SLC25A27: variants seen among roughly 807,000 people sequenced by gnomAD.
SLC25A27 encodes solute carrier family 25 member 27.
A neutral mutation model predicts 49.1 loss-of-function variants in SLC25A27; 35 were observed. The ratio of observed to expected loss-of-function variants is 0.71; its 90% CI spans 0.54 to 0.95. The LOEUF (loss-of-function observed/expected upper bound fraction) is 0.95. SLC25A27 is among the 40% of genes least tolerant of loss of function. SLC25A27 has a pLI of 0.00. For synonymous variants in SLC25A27, 144 were observed against 136.9 expected (o/e 1.05, Z -0.36); for missense variants, 339 against 397.1 (o/e 0.85, Z 1.24).
At chr6:46,662,355 A>G (rs547115452) in intron 3 of SLC25A27, 21 bp from the exon 4 acceptor site, 1 of 1,611,178 alleles carries the variant, frequency 6.2e-7, no homozygotes, top group South Asian at 1.1e-5. Context: ...AACTTTAAAA[A>G]GAATTTCCTT....
rs912976413 is a variant in SLC25A27, at chr6:46,677,106, GCCCTCT to G, written c.*654_*659del. 3.6e-5 allele frequency: 7 copies of G among 192,060 alleles called. No individual in the cohort carries two copies. The highest frequency in any genetic ancestry group is 1.7e-4 in the African/African-American group (7 of 42,218). The allele number at this position is 192,060 out of a possible 1,614,324, so 11.9% of individuals were successfully genotyped here. On this transcript the variant is annotated 3_prime_UTR_variant, in exon 9 of 9. Coordinates refer to ENST00000371347, the MANE Select transcript of SLC25A27 (RefSeq NM_004277.5). ...AGAAAAGAGGCTGCTTTCTGTCAGT[GCCCTCT>G]CATTAGATCTGTGTTAATTAGTTAG...
At chr6:46,671,752 T>A (rs1285053279) in intron 8 of SLC25A27, among the ~76,000 whole-genome samples, 2 of 151,984 alleles carry the variant, frequency 1.3e-5, no homozygotes, top group African/African-American at 4.8e-5. Flanking sequence ...TAGAATTAGA[T>A]AGACTTGTTT....
Position 46,656,025 on chromosome 6 carries a change from A to G in SLC25A27, c.289A>G (p.Arg97Gly). 1 of 1,610,572 alleles carries G rather than the reference A, an allele frequency of 6.2e-7. No homozygotes were observed. Among genetic ancestry groups the G allele is most frequent in the Non-Finnish European group, 8.5e-7 (1 of 1,178,754 alleles). ...GCAAGGAGTGACACCCGCCATTTAC[A>G]GACACGTAGGTATTTATCTTGATTC... Reference protein sequence around the residue: ...LWQGVTPAIYRHVVYSGGRMV... With the variant: ...LWQGVTPAIYGHVVYSGGRMV... The change falls in exon 2 of 9, where the codon AGA becomes GGA. Residue 97 changes from arginine (R) to glycine (G), a missense_variant. By Grantham distance (125) the Arg-to-Gly change is moderately radical (BLOSUM62 -2). Coordinates refer to ENST00000371347, the MANE Select transcript of SLC25A27 (RefSeq NM_004277.5).
In SLC25A27 at chr6:46,653,108, G is replaced by A; in HGVS notation, c.-85G>A. The A allele has an allele frequency of 7.5e-7, 1 of 1,330,618 alleles. No individual in the cohort carries two copies. The highest frequency in any genetic ancestry group is 1.1e-6 in the Non-Finnish European group (1 of 944,008). The allele number at this position is 1,330,618 out of a possible 1,614,324, so 82.4% of individuals were successfully genotyped here. On this transcript the variant is annotated 5_prime_UTR_variant, in exon 1 of 9. Coordinates refer to ENST00000371347, the MANE Select transcript of SLC25A27 (RefSeq NM_004277.5). ...CCGGCCACTCGCCGGTTGAAAAGGGGCCGCCCTGGCAGGGAAGCGGCCGCC... is the reference window on the plus strand; with the variant it reads ...CCGGCCACTCGCCGGTTGAAAAGGGACCGCCCTGGCAGGGAAGCGGCCGCC...
Position 46,676,986 on chromosome 6 carries a change from A to G in SLC25A27, c.*532A>G. Reference sequence around the variant, plus strand: ...AAGGGAGGTGAATGGAAATTAATGAATAAACATTTTGAGTTTCCCTAGTGT... The same window carrying G: ...AAGGGAGGTGAATGGAAATTAATGAGTAAACATTTTGAGTTTCCCTAGTGT... On this transcript the variant is annotated 3_prime_UTR_variant, in exon 9 of 9. Transcript: ENST00000371347. 3.1e-6 allele frequency: 1 copy of G among 319,806 alleles called. No homozygotes were observed. The highest frequency in any genetic ancestry group is 5.7e-6 in the Non-Finnish European group (1 of 175,578). 19.8% of individuals were successfully genotyped at this position (319,806 alleles called of 1,614,324 possible).
chr6:46,670,286 A>C, intron 7 of SLC25A27, 59 bp downstream of exon 7: 1 of 1,071,294 alleles, frequency 9.3e-7, no homozygotes, highest in Non-Finnish European at 1.4e-6. Context: ...TTTGTGTTTT[A>C]AAGATGCATC....
intron 1 of SLC25A27, chr6:46,653,548 C>T: frequency 1.0e-6 from 1 of 985,444 alleles, no homozygotes. Context: ...GAATGTTGTA[C>T]TTTAAGAAGC....
intron 6 of SLC25A27, 58 bp downstream of exon 6, chr6:46,668,851 A>G: frequency 1.0e-6 from 1 of 982,340 alleles, no homozygotes; most frequent in East Asian, 2.4e-5. Context: ...TTTCTTCCAT[A>G]TTTGACATAA....
At position 46,653,135 on chromosome 6, in the gene SLC25A27, C is replaced by T; in HGVS notation, c.-58C>T. 6.6e-7 allele frequency: 1 copy of T among 1,523,944 alleles called. No individual in the cohort carries two copies. Among genetic ancestry groups the T allele is most frequent in the Non-Finnish European group, 9.0e-7 (1 of 1,108,850 alleles). 94.4% of individuals were successfully genotyped at this position (1,523,944 alleles called of 1,614,324 possible). ...CGCCCTGGCAGGGAAGCGGCCGCCG[C>T]GGCGCGGTGCAGCGCAGCGGCGAGA... On this transcript the variant is annotated 5_prime_UTR_variant, in exon 1 of 9. Coordinates refer to ENST00000371347, the MANE Select transcript of SLC25A27 (RefSeq NM_004277.5).
At position 46,670,347 on chromosome 6, in the gene SLC25A27, G is replaced by T. The variant is rs1247633924; in HGVS notation, c.797+120G>T. The T allele has an allele frequency of 5.7e-6, 4 of 707,316 alleles. No homozygotes were observed. In the African/African-American group the frequency reaches 7.5e-5, roughly 13 times the overall value. 43.8% of individuals were successfully genotyped at this position (707,316 alleles called of 1,614,324 possible). Reference sequence around the variant, plus strand: ...TATTTGTGTGTTTTTTGAGAAAATTGAGCGCATTTTTTTTATGCAATTACC... The same window carrying T: ...TATTTGTGTGTTTTTTGAGAAAATTTAGCGCATTTTTTTTATGCAATTACC... On this transcript the variant is annotated intron_variant, in intron 7 of 8. Coordinates refer to ENST00000371347, the MANE Select transcript of SLC25A27 (RefSeq NM_004277.5).
At chr6:46,662,287 A>T in intron 3 of SLC25A27, 89 bp from the exon 4 acceptor site, 1 of 1,134,784 alleles carries the variant, frequency 8.8e-7, no homozygotes, top group South Asian at 1.4e-5. Context: ...GAAATCTCTT[A>T]CCTAGGCCCT....
At chr6:46,656,561 G>A (rs768894295) in intron 2 of SLC25A27, among the ~76,000 whole-genome samples, 1 of 152,032 alleles carries the variant, frequency 6.6e-6, no homozygotes. Flanking sequence ...GATCAGACTA[G>A]TCTCAAACTC....
intron 8 of SLC25A27, among the ~76,000 whole-genome samples, chr6:46,673,438 A>G (rs1217677582): frequency 6.6e-6 from 1 of 152,194 alleles, no homozygotes; most frequent in Non-Finnish European, 1.5e-5. Flanking sequence ...TTGCTTTACC[A>G]GTGGTATGAA....
At chr6:46,671,864 CG>C (rs1054518803) in intron 8 of SLC25A27, among the ~76,000 whole-genome samples, 1 of 151,688 alleles carries the variant, frequency 6.6e-6, no homozygotes. Context: ...AAAGTGCTGA[CG>C]TTTTTTGTAA....
At position 46,653,066 on chromosome 6, in the gene SLC25A27, A is replaced by G. The variant is rs1762807728; in HGVS notation, c.-127A>G. Reference sequence around the variant, plus strand: ...CGGGTCCACCCGGCCGAGCCGAACGAGGGAAATGGTCCTCACCCGGCCACT... The same window carrying G: ...CGGGTCCACCCGGCCGAGCCGAACGGGGGAAATGGTCCTCACCCGGCCACT... On this transcript the variant is annotated 5_prime_UTR_variant, in exon 1 of 9. Transcript: ENST00000371347. 1 of 860,430 alleles carries G rather than the reference A, an allele frequency of 1.2e-6. No homozygotes were observed. The highest frequency in any genetic ancestry group is 1.7e-5 in the African/African-American group (1 of 59,244). The allele number at this position is 860,430 out of a possible 1,614,324, so 53.3% of individuals were successfully genotyped here.
intron 8 of SLC25A27, 116 bp downstream of exon 8, chr6:46,671,344 G>T (rs1763531461): frequency 3.9e-6 from 2 of 516,592 alleles, no homozygotes; most frequent in Non-Finnish European, 3.4e-6. Flanking sequence ...CCCAAATCAA[G>T]GTCCTTTCTT....
At chr6:46,661,675 G>A (rs1031456026) in intron 3 of SLC25A27, among the ~76,000 whole-genome samples, 4 of 152,214 alleles carry the variant, frequency 2.6e-5, no homozygotes, top group Non-Finnish European at 4.4e-5. Context: ...CTGATTAGTT[G>A]TGTGATTTGA....
At position 46,677,709 on chromosome 6, in the gene SLC25A27, C is replaced by CTG. The variant is rs1763845831; in HGVS notation, c.*1257_*1258dup. The CTG allele has an allele frequency of 6.6e-6, 1 of 152,462 alleles. No individual in the cohort carries two copies. The highest frequency in any genetic ancestry group is 2.4e-5 in the African/African-American group (1 of 41,412). 9.4% of individuals were successfully genotyped at this position (152,462 alleles called of 1,614,324 possible). On this transcript the variant is annotated 3_prime_UTR_variant, in exon 9 of 9. Transcript: ENST00000371347. ...GGATGGCTGCGGTTATGGATAAAGGCTGTAACTGTTAACACAGAAAAACAT... is the reference window on the plus strand; with the variant it reads ...GGATGGCTGCGGTTATGGATAAAGGCTGTGTAACTGTTAACACAGAAAAACAT...
At chr6:46,673,171 G>T (rs539458574) in intron 8 of SLC25A27, among the ~76,000 whole-genome samples, 1 of 152,144 alleles carries the variant, frequency 6.6e-6, no homozygotes, top group African/African-American at 2.4e-5. Context: ...TAAAATTACA[G>T]AAATAATAAA....
Sources: gnomAD v4.1 joint callset for allele counts (sites outside exome capture counted in the v4.1 genomes callset) on GRCh38, gnomAD v4.1.1 for gene constraint, MANE v1.5 for transcripts, NCBI Gene and HGNC (gene_info 2026-07-23, HGNC 2026-07-21) for gene names.